The following PLBD2 variants were observed in gnomAD, a reference collection of about 807,000 sequenced individuals.
The protein encoded by PLBD2 is putative aminopeptidase PLBD2.
Under a neutral mutation model 68.3 loss-of-function variants are expected in PLBD2, and 51 were observed. The observed-to-expected ratio is 0.75, with a 90% CI of 0.60 to 0.94. The LOEUF is 0.94. Ranked by LOEUF, PLBD2 falls within the 40% of genes least tolerant of loss-of-function variation. The pLI is 0.00. For missense variants in PLBD2, 729 were observed against 792.2 expected, an observed-to-expected ratio of 0.92 and a Z score of 0.96; for synonymous variants, 314 against 339.3, an observed-to-expected ratio of 0.93 and a Z score of 0.82.
At chr12:113,362,182 C>CA (rs914885277) in intron 1 of PLBD2, among the ~76,000 whole-genome samples, 21 of 150,240 alleles carry the variant, frequency 1.4e-4, no homozygotes, top group Admixed American at 2.7e-4. Context: ...CCTGTCTCTG[C>CA]AAAAAAAAAG....
chr12:113,382,835 T>TTGTGTGTG (rs1209547269), intron 6 of PLBD2, among the ~76,000 whole-genome samples: 30 of 106,604 alleles, frequency 2.8e-4, no homozygotes, highest in African/African-American at 5.0e-4. Context: ...TGGTGGTTTT[T>TTGTGTGTG]TGTGTGTGTG....
At position 113,384,400 on chromosome 12, in the gene PLBD2, G is replaced by T; in HGVS notation, c.1118+135G>T. On this transcript the variant is annotated intron_variant, in intron 7 of 11. Coordinates refer to ENST00000280800, the MANE Select transcript of PLBD2 (RefSeq NM_173542.4). This position sits in a 1 kb window ranked among gnomAD's most constrained non-coding sequence, Gnocchi z 4.2. ...CACGCCCTCCTTTGTTTCATACATG[G>T]GGAGACTGAGGCTAGGGAAGGAAAG... The T allele has an allele frequency of 8.6e-7, 1 of 1,156,698 alleles. No individual in the cohort carries two copies. Among genetic ancestry groups the T allele is most frequent in the East Asian group, 2.5e-5 (1 of 39,618 alleles). 71.7% of individuals were successfully genotyped at this position (1,156,698 alleles called of 1,614,324 possible).
Position 113,384,795 on chromosome 12 carries a change from A to G in PLBD2, c.1119-56A>G. The G allele has an allele frequency of 1.4e-6, 2 of 1,471,282 alleles. No homozygotes were observed. Among genetic ancestry groups the G allele is most frequent in the South Asian group, 2.3e-5 (2 of 86,286 alleles). The allele number at this position is 1,471,282 out of a possible 1,614,324, so 91.1% of individuals were successfully genotyped here. A position where few individuals can be genotyped will look rare whatever the true frequency, so the allele number is the denominator to read the frequency against. On this transcript the variant is annotated intron_variant, in intron 7 of 11. Transcript: ENST00000280800. The surrounding 1 kb of genome is among the most constrained non-coding windows in gnomAD (Gnocchi z 4.2). ...CTGAGTGGGACACTGCAGGGTGGGG[A>G]AAGCTGGGGAGGTGGCTCCAGGCTC...
At position 113,374,939 on chromosome 12, in the gene PLBD2, G is replaced by A; in HGVS notation, c.791G>A (p.Trp264Ter). Residue 264 changes from tryptophan (W) to a stop codon, truncating the protein, a stop_gained, in exon 5 of 12, where the codon TGG (tryptophan) becomes TAG (stop). Coordinates refer to ENST00000280800, the MANE Select transcript of PLBD2 (RefSeq NM_173542.4). LOFTEE classifies it high-confidence loss of function. The stretch of plus-strand genomic sequence containing the variant: ...GACCTCCTGGTTGCCCACAACACCT[G>A]GAACAACTACCAGCACATGCTGCGT... ...QSDLLVAHNT[W>*]NNYQHMLRVI... 6.2e-7 allele frequency: 1 copy of A among 1,614,132 alleles called. No homozygotes were observed. Among genetic ancestry groups the A allele is most frequent in the Middle Eastern group, 1.6e-4 (1 of 6,062 alleles).
intron 8 of PLBD2, 126 bp from the exon 9 acceptor site, chr12:113,385,086 G>T: frequency 7.6e-7 from 1 of 1,309,250 alleles, no homozygotes; most frequent in Non-Finnish European, 1.1e-6. Context: ...CCCTGGTGGG[G>T]GCTGAAGTTC....
intron 5 of PLBD2, among the ~76,000 whole-genome samples, chr12:113,379,037 G>A (rs1957459527): frequency 6.6e-6 from 1 of 152,042 alleles, no homozygotes; most frequent in African/African-American, 2.4e-5. Flanking sequence ...GGCCAGACGC[G>A]GTGGCTCATG....
Position 113,358,611 on chromosome 12 carries a change from A to G in PLBD2, c.11A>G (p.Gln4Arg). 6.8e-7 allele frequency: 1 copy of G among 1,470,468 alleles called. No individual in the cohort carries two copies. Among genetic ancestry groups the G allele is most frequent in the Non-Finnish European group, 8.9e-7 (1 of 1,118,952 alleles). The allele number at this position is 1,470,468 out of a possible 1,614,324, so 91.1% of individuals were successfully genotyped here. The change falls in exon 1 of 12, where the codon CAG becomes CGG. Residue 4 changes from glutamine to arginine, a missense_variant. Transcript: ENST00000280800. The stretch of plus-strand genomic sequence containing the variant: ...CAGCATTGTGCGGTCATGGTGGGCC[A>G]GATGTACTGCTACCCCGGCAGCCAC... MVGQMYCYPGSHLA... is the reference protein window; with the variant it reads MVGRMYCYPGSHLA...
chr12:113,380,886 C>A, intron 6 of PLBD2, 44 bp downstream of exon 6: 1 of 1,512,744 alleles, frequency 6.6e-7, no homozygotes, highest in South Asian at 1.2e-5. Context: ...GGGTGTTTGT[C>A]ACACGGCGGC....
chr12:113,367,138 C>G (rs1232054087), intron 1 of PLBD2, among the ~76,000 whole-genome samples: 1 of 151,816 alleles, frequency 6.6e-6, no homozygotes, highest in Non-Finnish European at 1.5e-5. Flanking sequence ...AAGCAGAGGG[C>G]TAATGTGTAT....
chr12:113,363,783 C>T (rs938200748), intron 1 of PLBD2, among the ~76,000 whole-genome samples: 5 of 152,082 alleles, frequency 3.3e-5, no homozygotes, highest in Non-Finnish European at 7.4e-5. Context: ...ATGATCCACC[C>T]GCCTCAGCCT....
intron 2 of PLBD2, among the ~76,000 whole-genome samples, chr12:113,369,766 G>A (rs1957372979): frequency 1.3e-5 from 2 of 152,274 alleles, no homozygotes; most frequent in East Asian, 3.9e-4. Flanking sequence ...GTGGTGCCAG[G>A]GACTTGGGGG....
At chr12:113,373,136 T>A (rs989852117) in intron 3 of PLBD2, among the ~76,000 whole-genome samples, 1 of 152,076 alleles carries the variant, frequency 6.6e-6, no homozygotes, top group East Asian at 1.9e-4. Context: ...ATTGATTACA[T>A]TGGATGCAAG....
intron 1 of PLBD2, among the ~76,000 whole-genome samples, chr12:113,366,724 A>G (rs1270675607): frequency 2.6e-5 from 4 of 151,884 alleles, no homozygotes; most frequent in African/African-American, 9.7e-5. Flanking sequence ...CTCCTGCCTT[A>G]GCCTCCTAAG....
At chr12:113,380,618 A>G in intron 5 of PLBD2, 127 bp from the exon 6 acceptor site, 1 of 683,674 alleles carries the variant, frequency 1.5e-6, no homozygotes, top group Non-Finnish European at 2.5e-6. Flanking sequence ...AAATGACAAA[A>G]AGGACACAGT....
At chr12:113,361,733 G>C (rs956292784) in intron 1 of PLBD2, among the ~76,000 whole-genome samples, 1 of 152,110 alleles carries the variant, frequency 6.6e-6, no homozygotes, top group Non-Finnish European at 1.5e-5. Context: ...TTGGAGATCA[G>C]AGATGTCACT....
chr12:113,389,419 G>C lies in PLBD2; in HGVS notation c.*793G>C, dbSNP rs1377552749. 6.6e-6 allele frequency: 1 copy of C among 152,284 alleles called. No individual in the cohort carries two copies. The highest frequency in any genetic ancestry group is 1.5e-5 in the Non-Finnish European group (1 of 68,166). 9.4% of individuals were successfully genotyped at this position (152,284 alleles called of 1,614,324 possible). A position where few individuals can be genotyped will look rare whatever the true frequency, so the allele number is the denominator to read the frequency against. On this transcript the variant is annotated 3_prime_UTR_variant, in exon 12 of 12. Transcript: ENST00000280800. Reference sequence around the variant, plus strand: ...GTGGCCCCATGCTGTGCTTCTTGGGGTGGCAGGGAAGGTGGGGTCAGCGCT... The same window carrying C: ...GTGGCCCCATGCTGTGCTTCTTGGGCTGGCAGGGAAGGTGGGGTCAGCGCT...
intron 1 of PLBD2, among the ~76,000 whole-genome samples, chr12:113,364,470 CT>C (rs71086159): frequency 0.076 from 10,971 of 143,566 alleles, 517 homozygotes; most frequent in East Asian, 0.21. Flanking sequence ...CCCTCAGATT[CT>C]TTTTTTTTTT....
rs777866736 is a variant in PLBD2 at position 113,385,297 on chromosome 12, C to G, written c.1286+14C>G. ...CTACAACATACCGTGCGTGCCTTCT[C>G]ACTCCGCTCCCCGTCACCCTCCAGG... On this transcript the variant is annotated intron_variant, in intron 9 of 11. Coordinates refer to ENST00000280800, the MANE Select transcript of PLBD2 (RefSeq NM_173542.4). 4.3e-5 allele frequency: 69 copies of G among 1,612,498 alleles called. No homozygotes were observed. Among genetic ancestry groups the G allele is most frequent in the Non-Finnish European group, 7.6e-6 (9 of 1,178,682 alleles).
intron 8 of PLBD2, 44 bp from the exon 9 acceptor site, chr12:113,385,168 C>T (rs1371014642): frequency 3.7e-6 from 6 of 1,600,210 alleles, no homozygotes; most frequent in Non-Finnish European, 5.1e-6. Flanking sequence ...CCACAGGAGC[C>T]CCTTTTCTGA....
Sources: gnomAD v4.1 joint callset for allele counts (sites outside exome capture counted in the v4.1 genomes callset) on GRCh38, gnomAD v4.1.1 for gene constraint, Gnocchi (gnomAD v3.1) non-coding constraint, MANE v1.5 for transcripts, NCBI Gene and HGNC (gene_info 2026-07-23, HGNC 2026-07-21) for gene names.